MAP2K5: variants seen among roughly 807,000 people sequenced by gnomAD.
MAP2K5 encodes the protein mitogen-activated protein kinase kinase 5, also known as dual specificity mitogen-activated protein kinase kinase 5.
In MAP2K5, 49 loss-of-function variants were observed where a neutral mutation model predicts 83.1. The ratio of observed to expected loss-of-function variants is 0.59; its 90% CI spans 0.47 to 0.75. MAP2K5 has a LOEUF of 0.75. Ranked by LOEUF, MAP2K5 falls within the 30% of genes least tolerant of loss-of-function variation. The pLI is 0.00. For synonymous variants in MAP2K5, 202 were observed against 191.8 expected (o/e 1.05, Z -0.44); for missense variants, 457 against 557.5 (o/e 0.82, Z 1.82).
intron 21 of MAP2K5, among the ~76,000 whole-genome samples, chr15:67,789,220 T>A (rs1174737744): frequency 6.6e-6 from 1 of 152,230 alleles, no homozygotes; most frequent in Non-Finnish European, 1.5e-5. Context: ...TATTCCATAC[T>A]ATGGATGTAT....
At chr15:67,739,636 A>G (rs1046009276) in intron 17 of MAP2K5, among the ~76,000 whole-genome samples, 3 of 150,976 alleles carry the variant, frequency 2.0e-5, no homozygotes, top group African/African-American at 4.9e-5. Context: ...ATGTGCCACC[A>G]CACCTGGCTA....
intron 21 of MAP2K5, among the ~76,000 whole-genome samples, chr15:67,796,393 T>C: frequency 6.6e-6 from 1 of 152,204 alleles, no homozygotes; most frequent in East Asian, 1.9e-4. Context: ...GCTCAGCTTC[T>C]GATAAGGCCT....
rs574345850 is a variant in MAP2K5 at position 67,748,712 on chromosome 15, G to A, written c.1134+111G>A. On this transcript the variant is annotated intron_variant, in intron 19 of 21. Coordinates refer to ENST00000178640, the MANE Select transcript of MAP2K5 (RefSeq NM_145160.3). The surrounding 1 kb of genome is among the most constrained non-coding windows in gnomAD (Gnocchi z 4.0). ...ATGCCCAACATCCTTGGAGCAAGTTGTGTTGTATGGCTCTGAGCTATGTTA... is the reference window on the plus strand; with the variant it reads ...ATGCCCAACATCCTTGGAGCAAGTTATGTTGTATGGCTCTGAGCTATGTTA... 2.0e-6 allele frequency: 2 copies of A among 982,920 alleles called. No individual in the cohort carries two copies. The highest frequency in any genetic ancestry group is 2.8e-5 in the South Asian group (2 of 71,296). The allele number at this position is 982,920 out of a possible 1,614,324, so 60.9% of individuals were successfully genotyped here.
chr15:67,642,720 G>A (rs1210639161), intron 9 of MAP2K5, among the ~76,000 whole-genome samples: 1 of 152,132 alleles, frequency 6.6e-6, no homozygotes, highest in Admixed American at 6.6e-5. Flanking sequence ...GTGGGAAGAG[G>A]AGTTAGAATA....
In MAP2K5 at chr15:67,780,745, A is replaced by G. The variant is rs776456251; in HGVS notation, c.1242+7993A>G. ...ATAATAAAATTTCTAGGATGTTCCA[A>G]TATTTGCAGGGATAATATTCAAAAC... On this transcript the variant is annotated intron_variant, in intron 21 of 21. Coordinates refer to ENST00000178640, the MANE Select transcript of MAP2K5 (RefSeq NM_145160.3). The surrounding 1 kb of genome is among the most constrained non-coding windows in gnomAD (Gnocchi z 5.0). 2.6e-5 allele frequency among the ~76,000 whole-genome samples: 4 copies of G among 152,222 alleles called. No homozygotes were observed. Among genetic ancestry groups the G allele is most frequent in the African/African-American group, 7.2e-5 (3 of 41,456 alleles).
In MAP2K5 at chr15:67,559,829, G is replaced by A. The variant is rs531909091; in HGVS notation, c.185-3454G>A. Among the ~76,000 whole-genome samples, 1 of 152,202 alleles carries A rather than the reference G, an allele frequency of 6.6e-6. No homozygotes were observed. Among genetic ancestry groups the A allele is most frequent in the South Asian group, 2.1e-4 (1 of 4,818 alleles). ...CCCACCCCTTTTGTTGGTCATATCC[G>A]GTAACGTTTTTTTGGTCAGATGGCA... On this transcript the variant is annotated intron_variant, in intron 2 of 21. Coordinates refer to ENST00000178640, the MANE Select transcript of MAP2K5 (RefSeq NM_145160.3). This position sits in a 1 kb window ranked among gnomAD's most constrained non-coding sequence, Gnocchi z 4.7.
chr15:67,773,257 A>G (rs148121193), intron 21 of MAP2K5, among the ~76,000 whole-genome samples: 1 of 152,174 alleles, frequency 6.6e-6, no homozygotes, highest in Non-Finnish European at 1.5e-5. Flanking sequence ...GCTCCAAGGC[A>G]GCTTTCTTTG....
At chr15:67,700,159 G>A (rs560200406) in intron 15 of MAP2K5, among the ~76,000 whole-genome samples, 13 of 152,234 alleles carry the variant, frequency 8.5e-5, no homozygotes, top group African/African-American at 1.2e-4. Context: ...GTAAACAGAC[G>A]GTTCTGGAGT....
At chr15:67,756,512 T>TGTG (rs1412042843) in intron 19 of MAP2K5, among the ~76,000 whole-genome samples, 5 of 133,762 alleles carry the variant, frequency 3.7e-5, no homozygotes, top group Non-Finnish European at 4.7e-5. Context: ...CCACACACAG[T>TGTG]TACTGTGTGT....
intron 11 of MAP2K5, among the ~76,000 whole-genome samples, chr15:67,650,124 T>G (rs140528506): frequency 1.3e-5 from 2 of 152,330 alleles, no homozygotes; most frequent in African/African-American, 4.8e-5. Context: ...TTTTGGATTG[T>G]TCATTGCCAG....
chr15:67,710,496 A>AGT (rs2088663812), intron 16 of MAP2K5, among the ~76,000 whole-genome samples: 1 of 127,090 alleles, frequency 7.9e-6, no homozygotes, highest in African/African-American at 2.9e-5. Context: ...CATCTTCTGA[A>AGT]GTTTTTTTTT....
chr15:67,633,479 G>A (rs66480531), intron 9 of MAP2K5, among the ~76,000 whole-genome samples: 20,902 of 152,160 alleles, frequency 0.14, 1,529 homozygotes, highest in South Asian at 0.16. Flanking sequence ...AAAGTATTGT[G>A]CATTAGTTGG....
At chr15:67,695,241 C>T (rs1003354915) in intron 15 of MAP2K5, among the ~76,000 whole-genome samples, 3 of 151,560 alleles carry the variant, frequency 2.0e-5, no homozygotes, top group African/African-American at 4.9e-5. Context: ...CACATGTACC[C>T]TAAAACTTAA....
chr15:67,677,675 A>C lies in MAP2K5; in HGVS notation c.847+13030A>C. ...AGGTTGTGCAGGAACACATTCCTCC[A>C]GACCTGGCTTTTCCTAAACACTGAC... On this transcript the variant is annotated intron_variant, in intron 13 of 21. Coordinates refer to ENST00000178640, the MANE Select transcript of MAP2K5 (RefSeq NM_145160.3). This position sits in a 1 kb window ranked among gnomAD's most constrained non-coding sequence, Gnocchi z 4.2. Among the ~76,000 whole-genome samples the C allele has an allele frequency of 6.6e-6, 1 of 152,250 alleles. No individual in the cohort carries two copies. The highest frequency in any genetic ancestry group is 1.5e-5 in the Non-Finnish European group (1 of 68,048).
Position 67,748,173 on chromosome 15 carries a change from T to C in MAP2K5, c.1075-58T>C. ...AATAATTTTCTCTCAGTGATCATAATGTGTCCAAGTGAGTCATTTTGATTA... is the reference window on the plus strand; with the variant it reads ...AATAATTTTCTCTCAGTGATCATAACGTGTCCAAGTGAGTCATTTTGATTA... On this transcript the variant is annotated intron_variant, in intron 17 of 21. Coordinates refer to ENST00000178640, the MANE Select transcript of MAP2K5 (RefSeq NM_145160.3). This position sits in a 1 kb window ranked among gnomAD's most constrained non-coding sequence, Gnocchi z 4.0. 8.0e-7 allele frequency: 1 copy of C among 1,251,122 alleles called. No individual in the cohort carries two copies. Among genetic ancestry groups the C allele is most frequent in the Non-Finnish European group, 1.2e-6 (1 of 861,152 alleles). 77.5% of individuals were successfully genotyped at this position (1,251,122 alleles called of 1,614,324 possible).
chr15:67,648,535 A>G (rs557757123), intron 11 of MAP2K5, among the ~76,000 whole-genome samples: 1 of 150,538 alleles, frequency 6.6e-6, no homozygotes, highest in African/African-American at 2.4e-5. Context: ...GCTACTCTAT[A>G]TATTTGTGTA....
At chr15:67,606,681 A>G (rs2085784998) in intron 8 of MAP2K5, among the ~76,000 whole-genome samples, 1 of 152,204 alleles carries the variant, frequency 6.6e-6, no homozygotes, top group African/African-American at 2.4e-5. Flanking sequence ...TGTAGAGGCC[A>G]ACTAAAACAT....
chr15:67,752,005 C>A (rs1040991808), intron 19 of MAP2K5, among the ~76,000 whole-genome samples: 2 of 152,036 alleles, frequency 1.3e-5, no homozygotes, highest in African/African-American at 4.8e-5. Flanking sequence ...TTGTTGGTGG[C>A]TACCTTTTGT....
rs2088317756 is a variant in MAP2K5, at chr15:67,698,334, T to A, written c.972+4766T>A. 6.6e-6 allele frequency among the ~76,000 whole-genome samples: 1 copy of A among 151,956 alleles called. No homozygotes were observed. Among genetic ancestry groups the A allele is most frequent in the Non-Finnish European group, 1.5e-5 (1 of 67,978 alleles). Reference sequence around the variant, plus strand: ...TCCAGAGTAGCTGGGATTACAGGCGTGCACCACCACGCCCGGCTAATTTTT... The same window carrying A: ...TCCAGAGTAGCTGGGATTACAGGCGAGCACCACCACGCCCGGCTAATTTTT... On this transcript the variant is annotated intron_variant, in intron 15 of 21. Transcript: ENST00000178640. This position sits in a 1 kb window ranked among gnomAD's most constrained non-coding sequence, Gnocchi z 4.5.
Sources: allele counts gnomAD v4.1 joint callset (sites outside exome capture counted in the v4.1 genomes callset), GRCh38; gene constraint gnomAD v4.1.1; non-coding constraint Gnocchi (gnomAD v3.1); transcripts MANE v1.5; gene names NCBI Gene and HGNC (gene_info 2026-07-23, HGNC 2026-07-21).